Variants in CALN1 observed in about 807,000 individuals in gnomAD.
CALN1 encodes the protein calneuron 1.
A neutral mutation model predicts 30.6 loss-of-function variants in CALN1; 17 were observed. The ratio of observed to expected loss-of-function variants is 0.56; its 90% CI spans 0.38 to 0.83. The LOEUF (loss-of-function observed/expected upper bound fraction) is 0.83, where lower values mean the gene tolerates loss of function less well. CALN1 is among the 40% of genes least tolerant of loss of function. The probability of loss-of-function intolerance (pLI) is 0.00; values close to 1 mark genes in which losing one functional copy is unlikely to be tolerated. For missense variants in CALN1, 291 were observed against 354.9 expected, an observed-to-expected ratio of 0.82 and a Z score of 1.45; for synonymous variants, 156 against 131.4, an observed-to-expected ratio of 1.19 and a Z score of -1.28.
At chr7:71,867,826 G>A (rs1791680278) in intron 5 of CALN1, among the ~76,000 whole-genome samples, 1 of 152,162 alleles carries the variant, frequency 6.6e-6, no homozygotes, top group African/African-American at 2.4e-5. Context: ...GCTATGTCAG[G>A]GCTGTGAGAG....
At chr7:72,091,247 G>A (rs761346192) in intron 4 of CALN1, among the ~76,000 whole-genome samples, 5 of 152,116 alleles carry the variant, frequency 3.3e-5, no homozygotes, top group African/African-American at 1.2e-4. Flanking sequence ...CAGGAGAATC[G>A]CTGGAACTGG....
At chr7:71,910,319 C>T (rs972725778) in intron 5 of CALN1, among the ~76,000 whole-genome samples, 5 of 152,236 alleles carry the variant, frequency 3.3e-5, no homozygotes, top group African/African-American at 4.8e-5. Flanking sequence ...AACCAACCCA[C>T]ATCACTTCTG....
At chr7:72,332,494 T>C (rs927710342) in intron 2 of CALN1, among the ~76,000 whole-genome samples, 1 of 151,946 alleles carries the variant, frequency 6.6e-6, no homozygotes, top group Non-Finnish European at 1.5e-5. Context: ...TTGGTCCAGC[T>C]ACTTGGACCA....
Position 71,902,860 on chromosome 7 carries a change from T to C in CALN1, c.502-92368A>G, listed in dbSNP as rs572826411. Among the ~76,000 whole-genome samples, 3 of 152,148 alleles carry C rather than the reference T, an allele frequency of 2.0e-5. No individual in the cohort carries two copies. In the South Asian group the frequency reaches 6.2e-4, roughly 32 times the overall value. On this transcript the variant is annotated intron_variant, in intron 5 of 6. Coordinates refer to ENST00000395275, the MANE Select transcript of CALN1 (RefSeq NM_031468.4). ...ATATGGGTGGAACTGGAGGCCATTA[T>C]CCTAAGTGAAATAACTCAGAAAGTC... is the stretch of plus-strand genomic sequence containing the variant.
intron 2 of CALN1, among the ~76,000 whole-genome samples, chr7:72,313,872 G>A (rs929960675): frequency 1.3e-5 from 2 of 152,256 alleles, no homozygotes; most frequent in East Asian, 3.9e-4. Flanking sequence ...GGAAGGGAGA[G>A]ATTTCAAAGG....
At chr7:72,310,315 T>A (rs1330214185) in intron 2 of CALN1, among the ~76,000 whole-genome samples, 1 of 150,614 alleles carries the variant, frequency 6.6e-6, no homozygotes, top group Admixed American at 6.7e-5. Context: ...GGTTAATTGA[T>A]ATGATCCAGA....
intron 5 of CALN1, among the ~76,000 whole-genome samples, chr7:71,955,099 A>G (rs2129524561): frequency 6.6e-6 from 1 of 152,234 alleles, no homozygotes; most frequent in South Asian, 2.1e-4. Flanking sequence ...ATGGCTGGGG[A>G]GACCTCGCAA....
At chr7:72,459,875 A>G in the CALN1 span, among the ~76,000 whole-genome samples, 1 of 152,182 alleles carries the variant, frequency 6.6e-6, no homozygotes. Flanking sequence ...CTCTCATTTT[A>G]TGAGTCCATT....
intron 5 of CALN1, among the ~76,000 whole-genome samples, chr7:71,955,999 T>C (rs1381199797): frequency 1.3e-5 from 2 of 151,856 alleles, no homozygotes; most frequent in Admixed American, 6.6e-5. Flanking sequence ...GATTTTTTTT[T>C]TTTTTTGAGA....
At chr7:71,836,088 G>T (rs576430010) in intron 5 of CALN1, among the ~76,000 whole-genome samples, 38 of 152,292 alleles carry the variant, frequency 2.5e-4, no homozygotes, top group Non-Finnish European at 4.1e-4. Context: ...AGTTTCTGCT[G>T]CCTGGACCTA....
At chr7:72,501,685 C>T in the CALN1 span, among the ~76,000 whole-genome samples, 5 of 150,392 alleles carry the variant, frequency 3.3e-5, no homozygotes, top group East Asian at 5.9e-4. Context: ...CTGAGGTGGG[C>T]GGATCATGAA....
chr7:72,463,726 A>T, the CALN1 span, among the ~76,000 whole-genome samples: 7 of 151,636 alleles, frequency 4.6e-5, no homozygotes, highest in South Asian at 2.1e-4. Flanking sequence ...CCGCTGGCAA[A>T]TTTTTAATTT....
intron 3 of CALN1, among the ~76,000 whole-genome samples, chr7:72,223,011 A>G (rs544078891): frequency 6.6e-6 from 1 of 152,240 alleles, no homozygotes; most frequent in Non-Finnish European, 1.5e-5. Flanking sequence ...ACAAAGCAAG[A>G]CCTTGTCTCT....
intron 4 of CALN1, among the ~76,000 whole-genome samples, chr7:72,091,736 G>A (rs1268417040): frequency 1.2e-4 from 18 of 152,324 alleles, no homozygotes; most frequent in African/African-American, 2.4e-5. Context: ...GGCAGATGCC[G>A]TACCCAGAGG....
intron 3 of CALN1, among the ~76,000 whole-genome samples, chr7:72,206,919 C>T (rs750663059): frequency 1.8e-4 from 28 of 152,068 alleles, no homozygotes; most frequent in African/African-American, 2.7e-4. Context: ...GAGGTAGGTC[C>T]CTGTATTTTT....
intron 1 of CALN1, among the ~76,000 whole-genome samples, chr7:72,435,613 T>G (rs1287062824): frequency 6.6e-6 from 1 of 152,148 alleles, no homozygotes; most frequent in Non-Finnish European, 1.5e-5. Flanking sequence ...CAGCGCTCTG[T>G]GAATTTGTGA....
At chr7:72,246,475 A>C (rs979031123) in intron 3 of CALN1, among the ~76,000 whole-genome samples, 4 of 152,146 alleles carry the variant, frequency 2.6e-5, no homozygotes, top group Admixed American at 6.6e-5. Flanking sequence ...TCCTGCCCCC[A>C]GTGTCACCTG....
chr7:71,957,618 T>C (rs1797026417), intron 5 of CALN1, among the ~76,000 whole-genome samples: 1 of 152,188 alleles, frequency 6.6e-6, no homozygotes, highest in Admixed American at 6.5e-5. Flanking sequence ...GACAGATTAA[T>C]GCAATTTTCC....
intron 5 of CALN1, among the ~76,000 whole-genome samples, chr7:71,950,206 G>A (rs1222197565): frequency 6.6e-6 from 1 of 152,160 alleles, no homozygotes; most frequent in Admixed American, 6.6e-5. Flanking sequence ...CCTTATGGGA[G>A]GAGAATTGCT....
Sources: allele counts gnomAD v4.1 joint callset (sites outside exome capture counted in the v4.1 genomes callset), GRCh38; gene constraint gnomAD v4.1.1; transcripts MANE v1.5; gene names NCBI Gene and HGNC (gene_info 2026-07-23, HGNC 2026-07-21).